Variants in NDUFAF2 observed in about 807,000 individuals in gnomAD.
NDUFAF2 encodes the protein NADH:ubiquinone oxidoreductase complex assembly factor 2.
NDUFAF2 carries 13 observed loss-of-function variants against 22.8 expected under a neutral mutation model. The observed-to-expected ratio is 0.57, with a 90% CI of 0.37 to 0.91. The LOEUF (loss-of-function observed/expected upper bound fraction) is 0.91. NDUFAF2 is among the 40% of genes least tolerant of loss of function. The pLI, the probability that NDUFAF2 is intolerant of heterozygous loss-of-function variation, is 0.01. For missense variants in NDUFAF2, 162 were observed against 195.2 expected (o/e 0.83, Z 1.01); for synonymous variants, 53 against 64.2 (o/e 0.83, Z 0.84).
At chr5:61,101,493 C>G (rs1752705120) in intron 3 of NDUFAF2, among the ~76,000 whole-genome samples, 2 of 152,116 alleles carry the variant, frequency 1.3e-5, no homozygotes, top group Admixed American at 6.6e-5. Context: ...AAATACCCAG[C>G]CCAGTTGGCC....
intron 1 of NDUFAF2, among the ~76,000 whole-genome samples, chr5:61,030,436 A>G (rs1379863229): frequency 6.6e-6 from 1 of 152,070 alleles, no homozygotes; most frequent in Non-Finnish European, 1.5e-5. Flanking sequence ...TACCATTTTA[A>G]TGAAAATGGT....
chr5:61,032,670 CT>C (rs1443538517), intron 1 of NDUFAF2, among the ~76,000 whole-genome samples: 1 of 152,124 alleles, frequency 6.6e-6, no homozygotes, highest in Non-Finnish European at 1.5e-5. Flanking sequence ...ATGCCTCCAG[CT>C]TTGTTCTTTT....
chr5:61,073,313 C>A, intron 2 of NDUFAF2, 99 bp downstream of exon 2: 2 of 935,408 alleles, frequency 2.1e-6, no homozygotes, highest in Admixed American at 2.0e-5. Flanking sequence ...TTTCTCTTTG[C>A]AAAAAAGTTT....
intron 1 of NDUFAF2, among the ~76,000 whole-genome samples, chr5:61,002,027 C>T (rs1751303082): frequency 6.6e-6 from 1 of 151,990 alleles, no homozygotes. Flanking sequence ...GTGCAAGCTG[C>T]CTACATGGAT....
intron 1 of NDUFAF2, among the ~76,000 whole-genome samples, chr5:61,043,973 A>G (rs924115965): frequency 2.0e-5 from 3 of 152,136 alleles, no homozygotes; most frequent in Non-Finnish European, 2.9e-5. Flanking sequence ...TCCCACCAAC[A>G]GTGTGCAAGA....
At chr5:60,976,260 A>G (rs1468464925) in intron 1 of NDUFAF2, among the ~76,000 whole-genome samples, 1 of 152,006 alleles carries the variant, frequency 6.6e-6, no homozygotes, top group African/African-American at 2.4e-5. Flanking sequence ...ATACGTCTCT[A>G]ATTCTAGTAT....
At chr5:61,096,339 G>A (rs757951143) in intron 2 of NDUFAF2, among the ~76,000 whole-genome samples, 22 of 152,122 alleles carry the variant, frequency 1.4e-4, no homozygotes, top group Non-Finnish European at 2.1e-4. Context: ...GGTGGCTCAC[G>A]CCTGTAATCC....
At chr5:60,991,337 T>G (rs1204844450) in intron 1 of NDUFAF2, among the ~76,000 whole-genome samples, 1 of 152,154 alleles carries the variant, frequency 6.6e-6, no homozygotes, top group Non-Finnish European at 1.5e-5. Flanking sequence ...TCAATTACAT[T>G]CTTTAAGTTA....
intron 1 of NDUFAF2, among the ~76,000 whole-genome samples, chr5:61,025,802 ATAAG>A (rs1327762467): frequency 1.3e-5 from 2 of 152,116 alleles, no homozygotes; most frequent in African/African-American, 2.4e-5. Flanking sequence ...TACAAAATAA[ATAAG>A]TAAGTAAATA....
chr5:61,002,475 T>C (rs1418754521), intron 1 of NDUFAF2, among the ~76,000 whole-genome samples: 1 of 152,174 alleles, frequency 6.6e-6, no homozygotes, highest in Non-Finnish European at 1.5e-5. Context: ...GGAATCAATA[T>C]AATTTATGGT....
chr5:61,006,551 A>C (rs1031140828), intron 1 of NDUFAF2, among the ~76,000 whole-genome samples: 4 of 152,062 alleles, frequency 2.6e-5, no homozygotes, highest in Non-Finnish European at 5.9e-5. Context: ...CATTTTCACG[A>C]TATTGATTCT....
At chr5:61,135,253 A>G (rs1041625975) in intron 3 of NDUFAF2, among the ~76,000 whole-genome samples, 16 of 152,022 alleles carry the variant, frequency 1.1e-4, no homozygotes, top group Admixed American at 4.6e-4. Flanking sequence ...ACCATTTTCT[A>G]TTCTAAGGAG....
chr5:61,107,790 A>G (rs1379849351), intron 3 of NDUFAF2, among the ~76,000 whole-genome samples: 19 of 146,506 alleles, frequency 1.3e-4, no homozygotes, highest in Admixed American at 1.2e-3. Context: ...AGCATTAGGT[A>G]TATCTCCCAA....
At chr5:61,096,202 A>G (rs1752637249) in intron 2 of NDUFAF2, among the ~76,000 whole-genome samples, 2 of 152,214 alleles carry the variant, frequency 1.3e-5, no homozygotes, top group Non-Finnish European at 2.9e-5. Flanking sequence ...CATTTAAAAG[A>G]GTAAATACCC....
chr5:61,048,763 A>G (rs1321846033), intron 1 of NDUFAF2, among the ~76,000 whole-genome samples: 6 of 152,048 alleles, frequency 3.9e-5, no homozygotes, highest in Non-Finnish European at 7.4e-5. Context: ...ATTCCTCTCT[A>G]TGACTTAGAT....
intron 1 of NDUFAF2, among the ~76,000 whole-genome samples, chr5:60,951,610 A>G (rs1169643846): frequency 6.6e-6 from 1 of 152,126 alleles, no homozygotes; most frequent in Non-Finnish European, 1.5e-5. Flanking sequence ...ATGTGCTTTC[A>G]TTTTATTGAA....
At chr5:61,142,240 C>A (rs1204557487) in intron 3 of NDUFAF2, among the ~76,000 whole-genome samples, 1 of 152,048 alleles carries the variant, frequency 6.6e-6, no homozygotes, top group South Asian at 2.1e-4. Context: ...GCCCTTTTTG[C>A]GTATATATGG....
rs1012395665 is a variant in NDUFAF2 at position 61,105,792 on chromosome 5, A to T, written c.258+6760A>T. On this transcript the variant is annotated intron_variant, in intron 3 of 3. Transcript: ENST00000296597. ...AAATGATAGTGAAGGAATTTATTTT[A>T]AAAGACATAAACCCACAAGGTCATA... Among the ~76,000 whole-genome samples the T allele has an allele frequency of 9.9e-5, 15 of 151,642 alleles. No homozygotes were observed. The South Asian group carries it at 1.0e-3, about 10-fold the overall frequency.
intron 1 of NDUFAF2, among the ~76,000 whole-genome samples, chr5:60,952,109 CCTAT>C (rs1750555362): frequency 6.6e-6 from 1 of 151,648 alleles, no homozygotes; most frequent in African/African-American, 2.4e-5. Context: ...GTTTTCTTGG[CCTAT>C]CTGATGAGTG....
Sources: gnomAD v4.1 joint callset for allele counts (sites outside exome capture counted in the v4.1 genomes callset) on GRCh38, gnomAD v4.1.1 for gene constraint, MANE v1.5 for transcripts, NCBI Gene and HGNC (gene_info 2026-07-23, HGNC 2026-07-21) for gene names.